The following CSMD1 variants were observed in gnomAD, a reference collection of about 807,000 sequenced individuals.
CSMD1 encodes the protein CUB and sushi domain-containing protein 1.
CSMD1 carries 213 observed loss-of-function variants against 417.5 expected under a neutral mutation model. That is an observed-to-expected ratio of 0.51 (90% CI 0.46 to 0.57). The LOEUF (loss-of-function observed/expected upper bound fraction) is 0.57, where lower values mean the gene tolerates loss of function less well. Ranked by LOEUF, CSMD1 falls within the 20% of genes least tolerant of loss-of-function variation. CSMD1 has a pLI of 0.00. For synonymous variants in CSMD1, 2,862 were observed against 1,736.8 expected, an observed-to-expected ratio of 1.65 and a Z score of -16.11; for missense variants, 6,923 against 4,529.7, an observed-to-expected ratio of 1.53 and a Z score of -15.17.
At chr8:4,205,676 G>C (rs920983220) in intron 3 of CSMD1, among the ~76,000 whole-genome samples, 1 of 151,886 alleles carries the variant, frequency 6.6e-6, no homozygotes, top group Non-Finnish European at 1.5e-5. Flanking sequence ...GCTCATTTGG[G>C]AAATTTTTAC....
intron 41 of CSMD1, among the ~76,000 whole-genome samples, chr8:3,118,845 A>G (rs571060078): frequency 2.9e-4 from 44 of 152,210 alleles, no homozygotes; most frequent in Non-Finnish European, 5.6e-4. Context: ...AAATTTTATA[A>G]TGCTTACCTT....
At chr8:4,792,220 G>C (rs1423236096) in intron 1 of CSMD1, among the ~76,000 whole-genome samples, 2 of 152,104 alleles carry the variant, frequency 1.3e-5, no homozygotes, top group African/African-American at 4.8e-5. Flanking sequence ...CAAAAGTAGA[G>C]ATTAAATGTA....
intron 2 of CSMD1, among the ~76,000 whole-genome samples, chr8:4,587,417 G>GTACA (rs371229039): frequency 1.3e-4 from 10 of 75,852 alleles, no homozygotes; most frequent in African/African-American, 4.6e-4. Flanking sequence ...ATATGTATAT[G>GTACA]TACATGTATA....
intron 5 of CSMD1, among the ~76,000 whole-genome samples, chr8:3,854,677 G>C (rs1007784868): frequency 6.6e-6 from 1 of 151,800 alleles, no homozygotes; most frequent in Non-Finnish European, 1.5e-5. Flanking sequence ...GGGGGATGGA[G>C]AGTGGGCGAG....
At chr8:4,036,027 G>A (rs940983026) in intron 3 of CSMD1, among the ~76,000 whole-genome samples, 1 of 152,032 alleles carries the variant, frequency 6.6e-6, no homozygotes, top group South Asian at 2.1e-4. Flanking sequence ...TCTATGTTTA[G>A]AGACACATAT....
Position 4,849,643 on chromosome 8 carries a change from C to T in CSMD1, c.85+144689G>A, listed in dbSNP as rs539302019. 3.3e-5 allele frequency among the ~76,000 whole-genome samples: 5 copies of T among 152,166 alleles called. No homozygotes were observed. The East Asian group carries it at 5.8e-4, about 18-fold the overall frequency. On this transcript the variant is annotated intron_variant, in intron 1 of 69. Transcript: ENST00000635120. ...TTAAAAATGCTCTAATACACAAATA[C>T]TTGATATTGTATTATAGTTGTCCAT...
chr8:4,791,993 G>A (rs192886482), intron 1 of CSMD1, among the ~76,000 whole-genome samples: 2 of 151,762 alleles, frequency 1.3e-5, no homozygotes, highest in Non-Finnish European at 2.9e-5. Flanking sequence ...TTTATAGTGT[G>A]TGTCTCAAAG....
chr8:4,187,438 G>T (rs1005244946), intron 3 of CSMD1, among the ~76,000 whole-genome samples: 50 of 152,242 alleles, frequency 3.3e-4, no homozygotes, highest in African/African-American at 8.9e-4. Context: ...CCTGAGGTCA[G>T]GAAGAGACCA....
intron 5 of CSMD1, among the ~76,000 whole-genome samples, chr8:3,837,877 G>C (rs1005272428): frequency 6.6e-6 from 1 of 152,066 alleles, no homozygotes; most frequent in Non-Finnish European, 1.5e-5. Flanking sequence ...CACAGGACTA[G>C]TTTTCATTTT....
chr8:4,440,988 C>G (rs1188294518), intron 2 of CSMD1, among the ~76,000 whole-genome samples: 11 of 138,628 alleles, frequency 7.9e-5, no homozygotes, highest in Admixed American at 7.4e-5. Flanking sequence ...CACAGTGAGA[C>G]TCTATCTCAA....
chr8:3,589,689 T>A (rs1800762347), intron 8 of CSMD1, among the ~76,000 whole-genome samples: 1 of 152,166 alleles, frequency 6.6e-6, no homozygotes, highest in African/African-American at 2.4e-5. Flanking sequence ...CTACACAGCA[T>A]GGTGACTGTA....
At chr8:3,612,819 GA>G (rs962303132) in intron 8 of CSMD1, among the ~76,000 whole-genome samples, 6 of 151,970 alleles carry the variant, frequency 3.9e-5, no homozygotes, top group African/African-American at 1.4e-4. Context: ...CCCACATTTA[GA>G]AAGAATAAAG....
intron 7 of CSMD1, among the ~76,000 whole-genome samples, chr8:3,665,627 A>G (rs987518303): frequency 4.8e-4 from 73 of 152,196 alleles, no homozygotes; most frequent in African/African-American, 1.6e-3. Context: ...GTTCTAAATA[A>G]TCCCTGAGAG....
At chr8:3,401,240 A>C (rs1380034145) in intron 15 of CSMD1, among the ~76,000 whole-genome samples, 2 of 152,134 alleles carry the variant, frequency 1.3e-5, no homozygotes, top group African/African-American at 4.8e-5. Context: ...AGCAATTTCT[A>C]AAATCTGCAT....
At chr8:4,619,434 C>T (rs1007440421) in intron 2 of CSMD1, among the ~76,000 whole-genome samples, 9 of 152,184 alleles carry the variant, frequency 5.9e-5, no homozygotes, top group East Asian at 1.9e-4. Flanking sequence ...AACTAGCGGT[C>T]GTCGTTGTGA....
rs562324657 is a variant in CSMD1 at position 3,417,531 on chromosome 8, A to T, written c.1562-7926T>A. On this transcript the variant is annotated intron_variant, in intron 12 of 69. Coordinates refer to ENST00000635120, the MANE Select transcript of CSMD1 (RefSeq NM_033225.6). ...TGTATTCTGAACTTAAGGCTTAAAA[A>T]CTTTAATCACAAACTAGAATAGATA... Among the ~76,000 whole-genome samples the T allele has an allele frequency of 3.3e-5, 5 of 152,310 alleles. No homozygotes were observed. In the East Asian group the frequency reaches 9.7e-4, roughly 29 times the overall value.
chr8:4,579,258 C>CAT (rs201164442), intron 2 of CSMD1, among the ~76,000 whole-genome samples: 2,795 of 146,074 alleles, frequency 0.019, 91 homozygotes, highest in African/African-American at 0.066. Flanking sequence ...AACATACATA[C>CAT]ATATATATAC....
intron 2 of CSMD1, among the ~76,000 whole-genome samples, chr8:4,542,578 A>G (rs935589846): frequency 6.6e-6 from 1 of 152,210 alleles, no homozygotes; most frequent in African/African-American, 2.4e-5. Context: ...CCAGTATTTT[A>G]TGTTATTGCT....
intron 10 of CSMD1, among the ~76,000 whole-genome samples, chr8:3,506,467 G>C (rs1430799449): frequency 6.6e-6 from 1 of 152,202 alleles, no homozygotes; most frequent in African/African-American, 2.4e-5. Flanking sequence ...GTCATGGCCA[G>C]AAAGGGGGAA....
Sources: allele counts gnomAD v4.1 joint callset (sites outside exome capture counted in the v4.1 genomes callset), GRCh38; gene constraint gnomAD v4.1.1; transcripts MANE v1.5; gene names NCBI Gene and HGNC (gene_info 2026-07-23, HGNC 2026-07-21).